Variants in DYNC2I1 observed in about 807,000 individuals in gnomAD.
The protein encoded by DYNC2I1 is cytoplasmic dynein 2 intermediate chain 1.
In DYNC2I1, 89 loss-of-function variants were observed where a neutral mutation model predicts 133.4. That is an observed-to-expected ratio of 0.67 (90% CI 0.56 to 0.80). The LOEUF (loss-of-function observed/expected upper bound fraction) is 0.80, where lower values mean the gene tolerates loss of function less well. Among genes scored for constraint, DYNC2I1 ranks in the 30% least tolerant of loss-of-function variants. The pLI is 0.00. For missense variants in DYNC2I1, 1,291 were observed against 1,314.5 expected (o/e 0.98, Z 0.28); for synonymous variants, 504 against 484.3 (o/e 1.04, Z -0.54).
At chr7:158,846,237 C>T in the DYNC2I1 span, among the ~76,000 whole-genome samples, 16 of 152,128 alleles carry the variant, frequency 1.1e-4, no homozygotes, top group East Asian at 1.9e-3. Flanking sequence ...CCAGCCTGGG[C>T]AGCAGAGCAA....
intron 19 of DYNC2I1, 35 bp from the exon 20 acceptor site, chr7:158,926,957 T>C (rs1849687317): frequency 5.4e-6 from 8 of 1,492,652 alleles, no homozygotes; most frequent in East Asian, 4.7e-5. Flanking sequence ...AATTATAAAA[T>C]GTATCAATAT....
chr7:158,860,503 G>A (rs937020157), intron 1 of DYNC2I1, among the ~76,000 whole-genome samples: 1 of 152,154 alleles, frequency 6.6e-6, no homozygotes, highest in African/African-American at 2.4e-5. Flanking sequence ...GTATGTCGTA[G>A]CTATTGGAAA....
In DYNC2I1 at chr7:158,946,044, G is replaced by A. The variant is rs1438744402; in HGVS notation, c.*265G>A. The A allele has an allele frequency of 2.6e-5, 8 of 311,812 alleles. No individual in the cohort carries two copies. The highest frequency in any genetic ancestry group is 8.6e-5 in the African/African-American group (4 of 46,470). 19.3% of individuals were successfully genotyped at this position (311,812 alleles called of 1,614,324 possible). ...GGGTGCTCTTTTCTGAGAGTATTTCGAGTTATTTTTAGAACAGTTTAAATA... is the reference window on the plus strand; with the variant it reads ...GGGTGCTCTTTTCTGAGAGTATTTCAAGTTATTTTTAGAACAGTTTAAATA... On this transcript the variant is annotated 3_prime_UTR_variant, in exon 25 of 25. Coordinates refer to ENST00000407559, the MANE Select transcript of DYNC2I1 (RefSeq NM_018051.5).
chr7:158,952,714 CG>C, intron 4 of DYNC2I1, among the ~76,000 whole-genome samples: 1 of 151,766 alleles, frequency 6.6e-6, no homozygotes, highest in Admixed American at 6.6e-5. Context: ...CCAGCCGCAT[CG>C]TAAGACAGAG....
At chr7:158,927,681 A>G (rs1419908701) in intron 20 of DYNC2I1, among the ~76,000 whole-genome samples, 1 of 151,854 alleles carries the variant, frequency 6.6e-6, no homozygotes, top group Non-Finnish European at 1.5e-5. Flanking sequence ...CCTCCCAAGT[A>G]GCTGGGATTA....
At chr7:158,868,783 G>A (rs1359202586) in intron 1 of DYNC2I1, among the ~76,000 whole-genome samples, 1 of 152,228 alleles carries the variant, frequency 6.6e-6, no homozygotes, top group Non-Finnish European at 1.5e-5. Flanking sequence ...TTCCTTGGCA[G>A]GACTCTAGAG....
chr7:158,855,829 G>A (rs1234054636), upstream of DYNC2I1, among the ~76,000 whole-genome samples: 2 of 152,124 alleles, frequency 1.3e-5, no homozygotes, highest in East Asian at 3.9e-4. Flanking sequence ...TATAAAAACA[G>A]TCTCTCAACG....
chr7:158,911,854 C>G (rs1281583784), intron 12 of DYNC2I1, among the ~76,000 whole-genome samples, 175 bp downstream of exon 12: 1 of 152,216 alleles, frequency 6.6e-6, no homozygotes, highest in Non-Finnish European at 1.5e-5. Flanking sequence ...ACCCGAGAGG[C>G]CGGGCACAGG....
At chr7:158,857,470 A>G (rs1435604527) in intron 1 of DYNC2I1, among the ~76,000 whole-genome samples, 1 of 150,406 alleles carries the variant, frequency 6.6e-6, no homozygotes, top group Non-Finnish European at 1.5e-5. Context: ...TTTTTTCCCC[A>G]TCACTTACCT....
intron 2 of DYNC2I1, among the ~76,000 whole-genome samples, chr7:158,870,342 TTTAG>T (rs1842772385): frequency 6.6e-6 from 1 of 150,762 alleles, no homozygotes; most frequent in Admixed American, 6.6e-5. Context: ...TTTATTTATT[TTTAG>T]TTAATTAATT....
At chr7:158,882,555 C>A (rs899604443) in intron 5 of DYNC2I1, among the ~76,000 whole-genome samples, 6 of 151,974 alleles carry the variant, frequency 3.9e-5, no homozygotes, top group Non-Finnish European at 7.4e-5. Flanking sequence ...TGCAGTCCAA[C>A]CTGCGTGGTA....
chr7:158,935,717 G>T (rs1375563524), intron 23 of DYNC2I1, among the ~76,000 whole-genome samples: 1 of 152,326 alleles, frequency 6.6e-6, no homozygotes, highest in African/African-American at 2.4e-5. Context: ...GGATGTGCTG[G>T]AGGTGTGAAA....
intron 4 of DYNC2I1, 140 bp downstream of exon 4, chr7:158,876,831 T>A: frequency 9.0e-7 from 1 of 1,109,330 alleles, no homozygotes; most frequent in Non-Finnish European, 1.2e-6. Context: ...GCACTGTGTA[T>A]AGTCAGTTTC....
intron 4 of DYNC2I1, among the ~76,000 whole-genome samples, chr7:158,956,342 G>A (rs947299448): frequency 7.2e-5 from 11 of 152,236 alleles, no homozygotes; most frequent in Non-Finnish European, 7.3e-5. Flanking sequence ...TGTCCTCCCT[G>A]CACAGAGCTG....
At chr7:158,889,895 A>C (rs1585048056) in intron 7 of DYNC2I1, among the ~76,000 whole-genome samples, 1 of 150,626 alleles carries the variant, frequency 6.6e-6, no homozygotes, top group South Asian at 2.1e-4. Flanking sequence ...ATCCCAAGCT[A>C]CTTGGGAGGC....
chr7:158,941,257 A>G (rs1200168590), intron 23 of DYNC2I1, among the ~76,000 whole-genome samples: 2 of 152,244 alleles, frequency 1.3e-5, no homozygotes, highest in Non-Finnish European at 2.9e-5. Context: ...CAAGAGAAGT[A>G]TATAACCATA....
chr7:158,903,599 A>G (rs1846448061), intron 10 of DYNC2I1: 1 of 152,184 alleles, frequency 6.6e-6, no homozygotes, highest in Admixed American at 6.5e-5. Flanking sequence ...CTTATAGCTA[A>G]AGGGCACCTG....
chr7:158,953,705 C>T (rs1053739380), intron 4 of DYNC2I1, among the ~76,000 whole-genome samples: 4 of 152,098 alleles, frequency 2.6e-5, no homozygotes, highest in Non-Finnish European at 5.9e-5. Flanking sequence ...AAGTAGCTTA[C>T]ATATGCGTGT....
rs28584840 is a variant in DYNC2I1 at position 158,891,368 on chromosome 7, C to G, written c.1059+35C>G. The G allele has an allele frequency of 6.1e-4, 991 of 1,613,012 alleles. 13 individuals carry two copies. The African/African-American group carries it at 0.011, about 17-fold the overall frequency. On this transcript the variant is annotated intron_variant, in intron 8 of 24. Coordinates refer to ENST00000407559, the MANE Select transcript of DYNC2I1 (RefSeq NM_018051.5). ...GTACGTCTTCTTATAGTTTGCAATC[C>G]TGTCCCAGCACAGACCCACTCACAT...
Sources: gnomAD v4.1 joint callset for allele counts (sites outside exome capture counted in the v4.1 genomes callset) on GRCh38, gnomAD v4.1.1 for gene constraint, MANE v1.5 for transcripts, NCBI Gene and HGNC (gene_info 2026-07-23, HGNC 2026-07-21) for gene names.